ATP1A1: variants seen among roughly 807,000 people sequenced by gnomAD.
ATP1A1 encodes the protein sodium/potassium-transporting ATPase subunit alpha-1.
ATP1A1 carries 14 observed loss-of-function variants against 114.8 expected under a neutral mutation model. The observed-to-expected ratio is 0.12, with a 90% CI of 0.08 to 0.19. ATP1A1 has a LOEUF of 0.19. Ranked by LOEUF, ATP1A1 falls within the 10% of genes least tolerant of loss-of-function variation. The pLI is 1.00. For synonymous variants in ATP1A1, 471 were observed against 466.3 expected (o/e 1.01, Z -0.13); for missense variants, 524 against 1,290.7 (o/e 0.41, Z 9.10).
In ATP1A1 at chr1:116,393,485, C is replaced by T. The variant is rs773813096; in HGVS notation, c.1468-46C>T. ...AGCTTTGTTTTCCACCATGGACTGC[C>T]ACACATCCAACCATCCAATGTTTAT... On this transcript the variant is annotated intron_variant, in intron 11 of 22. Coordinates refer to ENST00000295598, the MANE Select transcript of ATP1A1 (RefSeq NM_000701.8). This position sits in a 1 kb window ranked among gnomAD's most constrained non-coding sequence, Gnocchi z 5.0. 63 of 1,563,608 alleles carry T rather than the reference C, an allele frequency of 4.0e-5. 1 individual carries two copies. The South Asian group carries it at 7.0e-4, about 17-fold the overall frequency.
At chr1:116,374,149 A>G in intron 1 of ATP1A1, 3 of 1,548,244 alleles carry the variant, frequency 1.9e-6, no homozygotes, top group Non-Finnish European at 2.6e-6. Context: ...GCCCTCCCCC[A>G]AAGAAAAAAC....
At chr1:116,378,926 C>T (rs758855805) in intron 1 of ATP1A1, among the ~76,000 whole-genome samples, 4 of 152,226 alleles carry the variant, frequency 2.6e-5, no homozygotes, top group Non-Finnish European at 5.9e-5. Flanking sequence ...TTTAACCCTT[C>T]ATAACCCATG....
At chr1:116,378,804 C>A (rs968035499) in intron 1 of ATP1A1, among the ~76,000 whole-genome samples, 1 of 152,028 alleles carries the variant, frequency 6.6e-6, no homozygotes, top group Admixed American at 6.5e-5. Context: ...CCTCTCATAA[C>A]GCATATGCTG....
At position 116,392,863 on chromosome 1, in the gene ATP1A1, G is replaced by A; in HGVS notation, c.1342G>A (p.Ala448Thr). ...ATGTCTCTGTTCACAGCGGGCAGTTGCAGGAGATGCCTCTGAGTCAGCACT... is the reference window on the plus strand; with the variant it reads ...ATGTCTCTGTTCACAGCGGGCAGTTACAGGAGATGCCTCTGAGTCAGCACT... Reference protein sequence around the residue: ...ENLPILKRAVAGDASESALLK... With the variant: ...ENLPILKRAVTGDASESALLK... Residue 448 changes from alanine to threonine, a missense_variant, in exon 11 of 23, where the codon GCA becomes ACA. This residue lies in a region of ATP1A1 where 143 missense variants were observed against 259.3 expected (regional missense o/e 0.55). Coordinates refer to ENST00000295598, the MANE Select transcript of ATP1A1 (RefSeq NM_000701.8). 2 of 1,611,540 alleles carry A rather than the reference G, an allele frequency of 1.2e-6. No homozygotes were observed. Among genetic ancestry groups the A allele is most frequent in the Non-Finnish European group, 1.7e-6 (2 of 1,178,962 alleles).
intron 21 of ATP1A1, among the ~76,000 whole-genome samples, chr1:116,402,681 C>G (rs1207001941): frequency 3.3e-5 from 5 of 152,202 alleles, no homozygotes; most frequent in African/African-American, 1.2e-4. Context: ...CTTCCTCTGC[C>G]TTTGTGTTTG....
chr1:116,377,795 G>C (rs972481132), intron 1 of ATP1A1, among the ~76,000 whole-genome samples: 12 of 152,168 alleles, frequency 7.9e-5, no homozygotes, highest in Non-Finnish European at 2.9e-5. Flanking sequence ...AGAGTGGCTG[G>C]GTTTGGACGG....
rs1651732106 is a variant in ATP1A1, at chr1:116,381,389, G to A, written c.13-2625G>A. On this transcript the variant is annotated intron_variant, in intron 1 of 22. Coordinates refer to ENST00000295598, the MANE Select transcript of ATP1A1 (RefSeq NM_000701.8). This position sits in a 1 kb window ranked among gnomAD's most constrained non-coding sequence, Gnocchi z 5.1. ...ATTTAAGGATATTTGGTTCCCACAA[G>A]AATAAGCTAATATTAAGTTATTATT... is the stretch of plus-strand genomic sequence containing the variant. Among the ~76,000 whole-genome samples the A allele has an allele frequency of 6.6e-6, 1 of 152,184 alleles. No homozygotes were observed. The highest frequency in any genetic ancestry group is 1.9e-4 in the East Asian group (1 of 5,200).
chr1:116,395,029 A>G lies in ATP1A1; in HGVS notation c.1661-81A>G. On this transcript the variant is annotated intron_variant, in intron 12 of 22. Transcript: ENST00000295598. The surrounding 1 kb of genome is among the most constrained non-coding windows in gnomAD (Gnocchi z 6.4). ...CAAAGTAAACACTCCAGAGAAAGGT[A>G]GGCGGGCTGAATAGGCTGCTGTTGT... is the stretch of plus-strand genomic sequence containing the variant. 7.1e-7 allele frequency: 1 copy of G among 1,414,330 alleles called. No homozygotes were observed. The highest frequency in any genetic ancestry group is 9.6e-7 in the Non-Finnish European group (1 of 1,040,360). 87.6% of individuals were successfully genotyped at this position (1,414,330 alleles called of 1,614,324 possible).
At position 116,393,697 on chromosome 1, in the gene ATP1A1, T is replaced by TG; in HGVS notation, c.1640dup (p.Leu548ProfsTer16). ...GCCTTTCAGAACGCCTATTTGGAGC[T>TG]GGGGGGCCTCGGAGAACGAGTCCTA... On this transcript the variant is annotated frameshift_variant, in exon 12 of 23. Coordinates refer to ENST00000295598, the MANE Select transcript of ATP1A1 (RefSeq NM_000701.8). LOFTEE classifies it high-confidence loss of function. The surrounding 1 kb of genome is among the most constrained non-coding windows in gnomAD (Gnocchi z 5.0). 6.2e-7 allele frequency: 1 copy of TG among 1,613,616 alleles called. No homozygotes were observed. The highest frequency in any genetic ancestry group is 8.5e-7 in the Non-Finnish European group (1 of 1,179,946).
At chr1:116,400,835 G>A in intron 18 of ATP1A1, 26 bp from the exon 19 acceptor site, 2 of 1,609,442 alleles carry the variant, frequency 1.2e-6, no homozygotes, top group Non-Finnish European at 1.7e-6. Context: ...TGAGGTTCTA[G>A]TAATTGGGTT....
chr1:116,382,773 A>G (rs928676125), intron 1 of ATP1A1, among the ~76,000 whole-genome samples: 1 of 152,246 alleles, frequency 6.6e-6, no homozygotes, highest in African/African-American at 2.4e-5. Context: ...AGCACAGTGA[A>G]ATTATAATCT....
Position 116,393,100 on chromosome 1 carries a change from CTTTAAA to C in ATP1A1, c.1467+116_1467+121del. 35 of 1,473,612 alleles carry C rather than the reference CTTTAAA, an allele frequency of 2.4e-5. No individual in the cohort carries two copies. The highest frequency in any genetic ancestry group is 3.1e-5 in the Non-Finnish European group (34 of 1,101,216). The allele number at this position is 1,473,612 out of a possible 1,614,324, so 91.3% of individuals were successfully genotyped here. ...CCCTTTGGAGTTTTATAAGCTTTAG[CTTTAAA>C]TTTTGCCCTTGATTACCATAGAATG... On this transcript the variant is annotated intron_variant, in intron 11 of 22. Coordinates refer to ENST00000295598, the MANE Select transcript of ATP1A1 (RefSeq NM_000701.8). This position sits in a 1 kb window ranked among gnomAD's most constrained non-coding sequence, Gnocchi z 5.0.
chr1:116,398,840 T>G lies in ATP1A1; in HGVS notation c.2293+51T>G. 1 of 1,609,646 alleles carries G rather than the reference T, an allele frequency of 6.2e-7. No homozygotes were observed. The highest frequency in any genetic ancestry group is 8.5e-7 in the Non-Finnish European group (1 of 1,176,410). ...AAGATCTTATTCAGATACTGCCCATTAGCATCCATTTCTGTATACTTCTTG... is the reference window on the plus strand; with the variant it reads ...AAGATCTTATTCAGATACTGCCCATGAGCATCCATTTCTGTATACTTCTTG... On this transcript the variant is annotated intron_variant, in intron 16 of 22. Transcript: ENST00000295598. This position sits in a 1 kb window ranked among gnomAD's most constrained non-coding sequence, Gnocchi z 6.1.
At chr1:116,403,746 C>T (rs1447575517) in intron 21 of ATP1A1, 138 bp from the exon 22 acceptor site, 1 of 711,046 alleles carries the variant, frequency 1.4e-6, no homozygotes, top group African/African-American at 1.8e-5. Context: ...CTGTTAATGA[C>T]TCAGTAGTTA....
At position 116,404,363 on chromosome 1, in the gene ATP1A1, G is replaced by A; in HGVS notation, c.3044-53G>A. 1.9e-6 allele frequency: 3 copies of A among 1,610,380 alleles called. No individual in the cohort carries two copies. Among genetic ancestry groups the A allele is most frequent in the Non-Finnish European group, 2.5e-6 (3 of 1,177,230 alleles). On this transcript the variant is annotated intron_variant, in intron 22 of 22. Transcript: ENST00000295598. This position sits in a 1 kb window ranked among gnomAD's most constrained non-coding sequence, Gnocchi z 4.8. ...ATCCCTGTTTCCCTCTGTAATGCTG[G>A]AGCGAGGAAGACTCACTGTAGTGTG... is the stretch of plus-strand genomic sequence containing the variant.
At chr1:116,376,589 C>T (rs1023317452) in intron 1 of ATP1A1, among the ~76,000 whole-genome samples, 1 of 151,926 alleles carries the variant, frequency 6.6e-6, no homozygotes. Flanking sequence ...TAGGTTCTTT[C>T]TGTACCCTTT....
In ATP1A1 at chr1:116,402,727, C is replaced by A. The variant is rs142045875; in HGVS notation, c.2951+1072C>A. On this transcript the variant is annotated intron_variant, in intron 21 of 22. Coordinates refer to ENST00000295598, the MANE Select transcript of ATP1A1 (RefSeq NM_000701.8). ...TCCTCCCCACATCCCTCCTTCTGTT[C>A]CCTCTTACCCTGCCAATCCTGATAG... 3.3e-3 allele frequency among the ~76,000 whole-genome samples: 496 copies of A among 152,346 alleles called. 4 individuals carry two copies. The highest frequency in any genetic ancestry group is 0.011 in the African/African-American group (470 of 41,588).
rs145218202 is a variant in ATP1A1 at position 116,389,665 on chromosome 1, C to T, written c.981C>T (p.Ile327=). Residue 327 remains isoleucine (I), a synonymous_variant, in exon 8 of 23, where the codon ATC becomes ATT. Coordinates refer to ENST00000295598, the MANE Select transcript of ATP1A1 (RefSeq NM_000701.8). This position sits in a 1 kb window ranked among gnomAD's most constrained non-coding sequence, Gnocchi z 6.9. ...WLEAVIFLIG[I]IVANVPEGLL... Reference sequence around the variant, plus strand: ...AGGCTGTCATCTTCCTCATCGGTATCATCGTAGCCAATGTGCCGGAAGGTT... The same window carrying T: ...AGGCTGTCATCTTCCTCATCGGTATTATCGTAGCCAATGTGCCGGAAGGTT... 87 of 1,614,086 alleles carry T rather than the reference C, an allele frequency of 5.4e-5. No homozygotes were observed. The highest frequency in any genetic ancestry group is 6.9e-5 in the Non-Finnish European group (82 of 1,180,054).
rs995595122 is a variant in ATP1A1, at chr1:116,387,156, A to T, written c.184-132A>T. 22 of 1,068,010 alleles carry T rather than the reference A, an allele frequency of 2.1e-5. No homozygotes were observed. In the Admixed American group the frequency reaches 5.1e-4, roughly 25 times the overall value. 66.2% of individuals were successfully genotyped at this position (1,068,010 alleles called of 1,614,324 possible). On this transcript the variant is annotated intron_variant, in intron 3 of 22. Coordinates refer to ENST00000295598, the MANE Select transcript of ATP1A1 (RefSeq NM_000701.8). The surrounding 1 kb of genome is among the most constrained non-coding windows in gnomAD (Gnocchi z 6.7). ...TTCATGGAGGAATTTGCTAGGTTTT[A>T]CCTTGGCTCTCTAGCTTGGGACATT...
Sources: allele counts gnomAD v4.1 joint callset (sites outside exome capture counted in the v4.1 genomes callset), GRCh38; gene constraint gnomAD v4.1.1; regional missense constraint gnomAD v4.1.1; non-coding constraint Gnocchi (gnomAD v3.1); transcripts MANE v1.5; gene names NCBI Gene and HGNC (gene_info 2026-07-23, HGNC 2026-07-21).